Variants in PARD3 observed in about 807,000 individuals in gnomAD.
PARD3 encodes the protein par-3 family cell polarity regulator, also known as partitioning defective 3 homolog.
A neutral mutation model predicts 155.4 loss-of-function variants in PARD3; 75 were observed. The observed-to-expected ratio is 0.48, with a 90% CI of 0.40 to 0.58. The LOEUF is 0.58. Ranked by LOEUF, PARD3 falls within the 20% of genes least tolerant of loss-of-function variation. The pLI, the probability that PARD3 is intolerant of heterozygous loss-of-function variation, is 0.00. For synonymous variants in PARD3, 576 were observed against 610.5 expected, an observed-to-expected ratio of 0.94 and a Z score of 0.83; for missense variants, 1,642 against 1,721.7, an observed-to-expected ratio of 0.95 and a Z score of 0.82.
intron 5 of PARD3, among the ~76,000 whole-genome samples, chr10:34,429,507 T>C (rs1055974449): frequency 6.6e-6 from 1 of 152,102 alleles, no homozygotes; most frequent in Non-Finnish European, 1.5e-5. Context: ...GGGATAATCC[T>C]GCCTCAGCCT....
intron 22 of PARD3, among the ~76,000 whole-genome samples, chr10:34,143,042 C>T (rs970616525): frequency 2.0e-5 from 3 of 152,162 alleles, no homozygotes; most frequent in Admixed American, 6.5e-5. Flanking sequence ...GAAATAAAGG[C>T]TGGGGGCGGT....
chr10:34,653,245 T>C (rs1054032228), intron 2 of PARD3, among the ~76,000 whole-genome samples: 9 of 152,060 alleles, frequency 5.9e-5, no homozygotes, highest in Admixed American at 2.0e-4. Flanking sequence ...GTAGAACCCA[T>C]TGAGGAAAAC....
intron 1 of PARD3, among the ~76,000 whole-genome samples, chr10:34,762,655 T>C (rs558839298): frequency 1.3e-5 from 2 of 152,216 alleles, no homozygotes; most frequent in African/African-American, 4.8e-5. Context: ...GTTAAATACT[T>C]GACAAAAACT....
chr10:34,318,647 C>T (rs1210762266), intron 19 of PARD3, among the ~76,000 whole-genome samples: 1 of 152,182 alleles, frequency 6.6e-6, no homozygotes, highest in Non-Finnish European at 1.5e-5. Flanking sequence ...TAAACCCTCA[C>T]AAATCTGAAA....
intron 1 of PARD3, among the ~76,000 whole-genome samples, chr10:34,777,863 G>T (rs2134144400): frequency 6.6e-6 from 1 of 152,196 alleles, no homozygotes; most frequent in East Asian, 1.9e-4. Flanking sequence ...CTGATTCCCT[G>T]AGGAATGATG....
At chr10:34,175,526 A>C (rs904620055) in intron 22 of PARD3, among the ~76,000 whole-genome samples, 1 of 152,360 alleles carries the variant, frequency 6.6e-6, no homozygotes, top group East Asian at 1.9e-4. Context: ...TTTTTGACTC[A>C]AAAAGTATAC....
At chr10:34,372,418 A>G in intron 12 of PARD3, 80 bp downstream of exon 12, 1 of 1,065,446 alleles carries the variant, frequency 9.4e-7, no homozygotes, top group Non-Finnish European at 1.5e-6. Context: ...AGGACAAGTA[A>G]CTTCGTATTA....
Position 34,590,836 on chromosome 10 carries a change from C to T in PARD3, c.223-73677G>A, listed in dbSNP as rs566995299. 2.5e-4 allele frequency among the ~76,000 whole-genome samples: 38 copies of T among 152,276 alleles called. 1 individual carries two copies. The highest frequency in any genetic ancestry group is 1.2e-3 in the Admixed American group (18 of 15,294). On this transcript the variant is annotated intron_variant, in intron 2 of 24. Transcript: ENST00000374788. ...AAATGCACAAGAGAAACCTCATAAA[C>T]GCTGTGTCCACAAGCAGCTGCATGA... is the stretch of plus-strand genomic sequence containing the variant.
At chr10:34,668,107 G>A (rs926094488) in intron 2 of PARD3, among the ~76,000 whole-genome samples, 3 of 152,082 alleles carry the variant, frequency 2.0e-5, no homozygotes, top group South Asian at 2.1e-4. Context: ...CCACGGGTTC[G>A]TAAATGCAAG....
intron 10 of PARD3, 73 bp downstream of exon 10, chr10:34,377,894 G>C (rs1262317674): frequency 8.3e-7 from 1 of 1,204,330 alleles, no homozygotes; most frequent in Non-Finnish European, 1.1e-6. Context: ...TTATGAAAAT[G>C]TTTTTAAAAG....
intron 20 of PARD3, among the ~76,000 whole-genome samples, chr10:34,316,876 C>T (rs1958040896): frequency 6.6e-6 from 1 of 152,100 alleles, no homozygotes; most frequent in Non-Finnish European, 1.5e-5. Flanking sequence ...GTTTTCAAAT[C>T]TGTGCTTTCA....
chr10:34,120,973 G>A (rs544803250), intron 23 of PARD3, among the ~76,000 whole-genome samples: 6 of 151,934 alleles, frequency 3.9e-5, no homozygotes, highest in Admixed American at 2.6e-4. Flanking sequence ...CAGGAGGACC[G>A]CTTGAGCCTA....
rs957077882 is a variant in PARD3 at position 34,147,325 on chromosome 10, T to C, written c.3420-15742A>G. Among the ~76,000 whole-genome samples, 3 of 152,166 alleles carry C rather than the reference T, an allele frequency of 2.0e-5. No homozygotes were observed. The East Asian group carries it at 5.8e-4, about 29-fold the overall frequency. On this transcript the variant is annotated intron_variant, in intron 22 of 24. Transcript: ENST00000374788. The stretch of plus-strand genomic sequence containing the variant: ...TTTCTAGCTAATTGAGACTTTATTG[T>C]ATTGTTGCTTAATACATGATTTTAA...
chr10:34,621,014 A>G (rs1426948609), intron 2 of PARD3, among the ~76,000 whole-genome samples: 1 of 152,252 alleles, frequency 6.6e-6, no homozygotes, highest in Non-Finnish European at 1.5e-5. Flanking sequence ...CACATTTACC[A>G]GAGTGGGCCA....
chr10:34,683,924 T>C (rs1171263770), intron 2 of PARD3, among the ~76,000 whole-genome samples: 2 of 152,240 alleles, frequency 1.3e-5, no homozygotes, highest in Non-Finnish European at 2.9e-5. Flanking sequence ...TCTTTCTGAA[T>C]TAATTAGCCA....
chr10:34,665,775 T>C (rs2093437184), intron 2 of PARD3, among the ~76,000 whole-genome samples: 1 of 149,670 alleles, frequency 6.7e-6, no homozygotes, highest in African/African-American at 2.5e-5. Flanking sequence ...GAGGCGGAGG[T>C]TGCAGTGAGC....
intron 2 of PARD3, among the ~76,000 whole-genome samples, chr10:34,518,599 T>C (rs1379875316): frequency 6.6e-6 from 1 of 152,106 alleles, no homozygotes; most frequent in Non-Finnish European, 1.5e-5. Flanking sequence ...ATCCAAAGAA[T>C]AAACTAAAAT....
chr10:34,223,481 A>T (rs1952423836), intron 22 of PARD3, among the ~76,000 whole-genome samples: 1 of 152,210 alleles, frequency 6.6e-6, no homozygotes, highest in Non-Finnish European at 1.5e-5. Flanking sequence ...TTCTAAAAAT[A>T]ACCAAGGGAC....
At chr10:34,612,717 T>C (rs1027343842) in intron 2 of PARD3, among the ~76,000 whole-genome samples, 13 of 152,250 alleles carry the variant, frequency 8.5e-5, no homozygotes, top group African/African-American at 3.1e-4. Context: ...AATGCTGGTA[T>C]ATAGTACCAG....
Sources: gnomAD v4.1 joint callset for allele counts (sites outside exome capture counted in the v4.1 genomes callset) on GRCh38, gnomAD v4.1.1 for gene constraint, MANE v1.5 for transcripts, NCBI Gene and HGNC (gene_info 2026-07-23, HGNC 2026-07-21) for gene names.